The following KCNH7 variants were observed in gnomAD, a reference collection of about 807,000 sequenced individuals.
KCNH7 encodes the protein potassium voltage-gated channel subfamily H member 7.
In KCNH7, 49 loss-of-function variants were observed where a neutral mutation model predicts 120.8. The observed-to-expected ratio is 0.41, with a 90% confidence interval of 0.32 to 0.51. The LOEUF (loss-of-function observed/expected upper bound fraction) is 0.51, where lower values mean the gene tolerates loss of function less well. KCNH7 is among the 20% of genes least tolerant of loss of function. KCNH7 has a pLI of 0.38. For synonymous variants in KCNH7, 547 were observed against 516.1 expected, an observed-to-expected ratio of 1.06 and a Z score of -0.81; for missense variants, 1,097 against 1,446.6, an observed-to-expected ratio of 0.76 and a Z score of 3.92.
At chr2:162,776,873 C>A (rs1683260395) in intron 2 of KCNH7, among the ~76,000 whole-genome samples, 1 of 152,114 alleles carries the variant, frequency 6.6e-6, no homozygotes, top group South Asian at 2.1e-4. Context: ...AACTTTCTGG[C>A]TTGGGTAGAG....
intron 2 of KCNH7, among the ~76,000 whole-genome samples, chr2:162,751,498 T>A (rs912746799): frequency 6.6e-6 from 1 of 152,064 alleles, no homozygotes; most frequent in African/African-American, 2.4e-5. Context: ...TATATTTGCC[T>A]AAGATGAAGG....
intron 2 of KCNH7, among the ~76,000 whole-genome samples, chr2:162,790,526 T>C (rs1683892886): frequency 6.6e-6 from 1 of 151,886 alleles, no homozygotes; most frequent in South Asian, 2.1e-4. Flanking sequence ...GCAAGGACAC[T>C]ACAAGAAAAA....
chr2:162,443,216 A>G (rs1263820776), intron 7 of KCNH7, among the ~76,000 whole-genome samples: 2 of 152,184 alleles, frequency 1.3e-5, no homozygotes, highest in Non-Finnish European at 2.9e-5. Context: ...ATTCTATCTA[A>G]CATTTAATTT....
chr2:162,819,366 G>A (rs1685022475), intron 2 of KCNH7, among the ~76,000 whole-genome samples: 1 of 152,098 alleles, frequency 6.6e-6, no homozygotes. Flanking sequence ...AAATAAATAA[G>A]TAGATATAAA....
chr2:162,537,625 T>C (rs1211185653), intron 2 of KCNH7, among the ~76,000 whole-genome samples: 12 of 152,106 alleles, frequency 7.9e-5, no homozygotes, highest in Non-Finnish European at 5.9e-5. Flanking sequence ...AACGTCCAAA[T>C]TACAATGGTT....
chr2:162,422,091 T>G (rs1687724744), intron 9 of KCNH7, among the ~76,000 whole-genome samples: 1 of 152,184 alleles, frequency 6.6e-6, no homozygotes, highest in African/African-American at 2.4e-5. Flanking sequence ...AACTTTGGAA[T>G]GATTAGAAAT....
intron 2 of KCNH7, among the ~76,000 whole-genome samples, chr2:162,775,197 T>C (rs1411107920): frequency 6.6e-6 from 1 of 152,146 alleles, no homozygotes; most frequent in African/African-American, 2.4e-5. Flanking sequence ...TGAACTAGTT[T>C]AGTAAAAAAA....
At position 162,537,205 on chromosome 2, in the gene KCNH7, T is replaced by C. The variant is rs931108521; in HGVS notation, c.308-125A>G. 14 of 681,870 alleles carry C rather than the reference T, an allele frequency of 2.1e-5. No homozygotes were observed. The African/African-American group carries it at 2.5e-4, about 12-fold the overall frequency. 42.2% of individuals were successfully genotyped at this position (681,870 alleles called of 1,614,324 possible). A position where few individuals can be genotyped will look rare whatever the true frequency, so the allele number is the denominator to read the frequency against. ...TTAAATGATCACTGATATTAAAAAATAATTTGATCTTTTTTACTTCATATT... is the reference window on the plus strand; with the variant it reads ...TTAAATGATCACTGATATTAAAAAACAATTTGATCTTTTTTACTTCATATT... On this transcript the variant is annotated intron_variant, in intron 2 of 15. Transcript: ENST00000332142.
At chr2:162,506,781 C>A (rs1690897241) in intron 5 of KCNH7, among the ~76,000 whole-genome samples, 1 of 151,798 alleles carries the variant, frequency 6.6e-6, no homozygotes, top group Non-Finnish European at 1.5e-5. Context: ...TGACCAGTGC[C>A]AATAAACTCC....
At chr2:162,431,478 AT>A (rs1688065174) in intron 8 of KCNH7, among the ~76,000 whole-genome samples, 1 of 151,956 alleles carries the variant, frequency 6.6e-6, no homozygotes, top group African/African-American at 2.4e-5. Flanking sequence ...GGGTACATAA[AT>A]TTCAGTATTC....
intron 2 of KCNH7, among the ~76,000 whole-genome samples, chr2:162,692,871 G>T (rs923856102): frequency 6.6e-6 from 1 of 152,090 alleles, no homozygotes; most frequent in Non-Finnish European, 1.5e-5. Flanking sequence ...GAGTAATCCA[G>T]CAAGAGAGAG....
intron 2 of KCNH7, among the ~76,000 whole-genome samples, chr2:162,605,619 A>T (rs1379684515): frequency 2.6e-5 from 4 of 152,110 alleles, no homozygotes; most frequent in Non-Finnish European, 4.4e-5. Flanking sequence ...CTTTTGAAAG[A>T]CTTTTCTTGT....
intron 2 of KCNH7, among the ~76,000 whole-genome samples, chr2:162,623,540 C>T (rs577030918): frequency 2.6e-5 from 4 of 152,154 alleles, no homozygotes; most frequent in Non-Finnish European, 5.9e-5. Flanking sequence ...TGAAAAACAC[C>T]GATGTAATTA....
chr2:162,602,024 A>G (rs1372685742), intron 2 of KCNH7, among the ~76,000 whole-genome samples: 3 of 152,124 alleles, frequency 2.0e-5, no homozygotes, highest in Non-Finnish European at 2.9e-5. Flanking sequence ...CCTTTTGGAT[A>G]TTAGGGTCCT....
chr2:162,641,904 T>C (rs1574209261), intron 2 of KCNH7, among the ~76,000 whole-genome samples: 2 of 152,148 alleles, frequency 1.3e-5, no homozygotes, highest in African/African-American at 4.8e-5. Context: ...AATATGAACA[T>C]AGAGTCTGAG....
intron 8 of KCNH7, among the ~76,000 whole-genome samples, chr2:162,424,930 T>A (rs991156851): frequency 6.6e-6 from 1 of 152,138 alleles, no homozygotes; most frequent in Non-Finnish European, 1.5e-5. Flanking sequence ...GTTACACAAA[T>A]ATTCTGGGTG....
At chr2:162,460,908 T>G (rs1370823345) in intron 6 of KCNH7, among the ~76,000 whole-genome samples, 2 of 152,258 alleles carry the variant, frequency 1.3e-5, no homozygotes, top group Non-Finnish European at 2.9e-5. Context: ...GTAACTCATT[T>G]ATTTGTGGGG....
intron 6 of KCNH7, among the ~76,000 whole-genome samples, chr2:162,499,694 C>T (rs1300177757): frequency 6.6e-6 from 1 of 152,072 alleles, no homozygotes; most frequent in Non-Finnish European, 1.5e-5. Context: ...CTTACTCTTG[C>T]TTAATCCCAC....
chr2:162,808,320 T>C (rs1684620113), intron 2 of KCNH7, among the ~76,000 whole-genome samples: 1 of 152,150 alleles, frequency 6.6e-6, no homozygotes, highest in Non-Finnish European at 1.5e-5. Flanking sequence ...AACCGTTCCA[T>C]AAATGCCAGA....
Sources: gnomAD v4.1 joint callset for allele counts (sites outside exome capture counted in the v4.1 genomes callset) on GRCh38, gnomAD v4.1.1 for gene constraint, MANE v1.5 for transcripts, NCBI Gene and HGNC (gene_info 2026-07-23, HGNC 2026-07-21) for gene names.